The following CTBP1 variants were observed in gnomAD, a reference collection of about 807,000 sequenced individuals.
The protein encoded by CTBP1 is C-terminal binding protein 1, also known as C-terminal-binding protein 1.
A neutral mutation model predicts 42.1 loss-of-function variants in CTBP1; 11 were observed. The ratio of observed to expected loss-of-function variants is 0.26; its 90% CI spans 0.16 to 0.43. The LOEUF is 0.43. CTBP1 is among the 20% of genes least tolerant of loss of function. The pLI is 1.00. For missense variants in CTBP1, 399 were observed against 624.3 expected (o/e 0.64, Z 3.85); for synonymous variants, 324 against 277.1 (o/e 1.17, Z -1.68).
rs1732639275 is a variant in CTBP1 at position 1,245,636 on chromosome 4, G to A, written c.-189+3280C>T. ...GGTGACACGGGCGGCATAGCAGAGT[G>A]GCATGGACGGGCAGGGTGACACGGG... On this transcript the variant is annotated intron_variant, in intron 1 of 9. Transcript: ENST00000382952. The A allele has an allele frequency of 6.1e-6, 6 of 983,602 alleles. No homozygotes were observed. The South Asian group carries it at 2.4e-4, about 39-fold the overall frequency. The allele number at this position is 983,602 out of a possible 1,614,324, so 60.9% of individuals were successfully genotyped here. A position where few individuals can be genotyped will look rare whatever the true frequency, so the allele number is the denominator to read the frequency against.
At chr4:1,244,214 C>T (rs2108802193) in intron 1 of CTBP1, 1 of 985,250 alleles carries the variant, frequency 1.0e-6, no homozygotes, top group South Asian at 4.7e-5. Flanking sequence ...CCACGCCTGC[C>T]CACTCCGCCC....
rs1731444574 is a variant in CTBP1, at chr4:1,235,851, C to T, written c.162+2332G>A. ...AGGCCTCGGCTGACGCTGTCTTCCT[C>T]TAAAGGGGCCGTCTTACTTCTTTTG... On this transcript the variant is annotated intron_variant, in intron 3 of 9. Transcript: ENST00000382952. This position sits in a 1 kb window ranked among gnomAD's most constrained non-coding sequence, Gnocchi z 4.2. The T allele has an allele frequency of 6.6e-6, 1 of 152,224 alleles. No individual in the cohort carries two copies. The highest frequency in any genetic ancestry group is 2.4e-5 in the African/African-American group (1 of 41,452). 9.4% of individuals were successfully genotyped at this position (152,224 alleles called of 1,614,324 possible).
chr4:1,242,549 A>G (rs1732287537), intron 1 of CTBP1: 1 of 985,366 alleles, frequency 1.0e-6, no homozygotes, highest in Middle Eastern at 5.2e-4. Flanking sequence ...TCAAGCATAC[A>G]TGCCGACCAT....
At chr4:1,244,082 C>A in intron 1 of CTBP1, 1 of 985,406 alleles carries the variant, frequency 1.0e-6, no homozygotes, top group Non-Finnish European at 1.2e-6. Flanking sequence ...TCTCTGGAGG[C>A]ATCAAGTCCC....
intron 3 of CTBP1, among the ~76,000 whole-genome samples, chr4:1,231,751 G>A (rs1730984429): frequency 6.6e-6 from 1 of 152,262 alleles, no homozygotes; most frequent in African/African-American, 2.4e-5. Context: ...CCAGGGTGGG[G>A]CTGGGCTGAA....
At position 1,248,428 on chromosome 4, in the gene CTBP1, G is replaced by A. The variant is rs1383067592; in HGVS notation, c.-189+488C>T. 7.3e-5 allele frequency among the ~76,000 whole-genome samples: 11 copies of A among 150,422 alleles called. No homozygotes were observed. The East Asian group carries it at 2.2e-3, about 30-fold the overall frequency. On this transcript the variant is annotated intron_variant, in intron 1 of 9. Transcript: ENST00000382952. ...CACGGTCGCCGGCGGCCTCCCCGCG[G>A]GAGGCGCGCTCCCGCGAGTGGCCCG...
intron 5 of CTBP1, 67 bp downstream of exon 5, chr4:1,225,293 G>A (rs1478053187): frequency 4.7e-6 from 7 of 1,485,882 alleles, no homozygotes; most frequent in Admixed American, 2.0e-5. Flanking sequence ...CTCCTCCTGG[G>A]CACAGCTGAA....
rs147301141 is a variant in CTBP1, at chr4:1,214,414, C to T, written c.789G>A (p.Ala263=). 50 of 1,577,382 alleles carry T rather than the reference C, an allele frequency of 3.2e-5. No homozygotes were observed. In the African/African-American group the frequency reaches 3.3e-4, roughly 10 times the overall value. The change falls in exon 7 of 10, where the codon GCG becomes GCA. Residue 263 remains alanine, a synonymous_variant. Coordinates refer to ENST00000382952, the MANE Select transcript of CTBP1 (RefSeq NM_001012614.2). The part of the protein sequence containing the change: ...TARGGLVDEK[A]LAQALKEGRI... Reference sequence around the variant, plus strand: ...GGCCCTCCTTCAGGGCCTGGGCCAGCGCCTTCTCATCCACCAGGCCACCCC... The same window carrying T: ...GGCCCTCCTTCAGGGCCTGGGCCAGTGCCTTCTCATCCACCAGGCCACCCC...
intron 1 of CTBP1, chr4:1,242,066 G>A (rs1013922506): frequency 1.7e-5 from 17 of 987,360 alleles, no homozygotes; most frequent in Non-Finnish European, 2.0e-5. Context: ...CTCCACCTCC[G>A]ACCCTCAGTG....
chr4:1,217,432 G>A (rs981248751), intron 5 of CTBP1: 12 of 152,326 alleles, frequency 7.9e-5, no homozygotes, highest in African/African-American at 1.2e-4. Flanking sequence ...GGAGTACCCG[G>A]GCAGCTCCCC....
rs113127487 is a variant in CTBP1 at position 1,246,183 on chromosome 4, A to G, written c.-189+2733T>C. 4.4e-3 allele frequency among the ~76,000 whole-genome samples: 672 copies of G among 152,252 alleles called. 9 individuals are homozygous for G. The highest frequency in any genetic ancestry group is 0.016 in the African/African-American group (645 of 41,538). On this transcript the variant is annotated intron_variant, in intron 1 of 9. Transcript: ENST00000382952. ...CAGTGGGCTCCGGCCACTGCAGCTG[A>G]CAATGGAGGACCCGGGGGTCCAGAC... is the stretch of plus-strand genomic sequence containing the variant.
chr4:1,224,927 T>C (rs1347697254), intron 5 of CTBP1, among the ~76,000 whole-genome samples: 3 of 151,878 alleles, frequency 2.0e-5, no homozygotes, highest in Non-Finnish European at 2.9e-5. Context: ...TGTCTGTGTG[T>C]GCCATGATGT....
At position 1,248,948 on chromosome 4, in the gene CTBP1, C is replaced by A; in HGVS notation, c.-221G>T. ...CAGGCCCTTGTTGAGCAAGTGCGAG[C>A]TGCCCATCGAGAGGCGCGAGCGGCC... is the stretch of plus-strand genomic sequence containing the variant. On this transcript the variant is annotated 5_prime_UTR_variant, in exon 1 of 10. Transcript: ENST00000382952. 9.9e-7 allele frequency: 1 copy of A among 1,010,002 alleles called. No individual in the cohort carries two copies. Among genetic ancestry groups the A allele is most frequent in the South Asian group, 3.1e-5 (1 of 31,784 alleles). The allele number at this position is 1,010,002 out of a possible 1,614,324, so 62.6% of individuals were successfully genotyped here.
chr4:1,219,247 G>A (rs1025444367), intron 5 of CTBP1, among the ~76,000 whole-genome samples: 2 of 152,060 alleles, frequency 1.3e-5, no homozygotes, highest in African/African-American at 2.4e-5. Flanking sequence ...AACTACTTCG[G>A]AGGCTAAGGC....
upstream of CTBP1, chr4:1,249,304 G>T (rs1409656416): frequency 1.3e-5 from 2 of 149,770 alleles, no homozygotes; most frequent in Non-Finnish European, 3.0e-5. Context: ...CCCGGCGGAG[G>T]CCCCGGGCCT....
chr4:1,224,013 G>A (rs750980770), intron 5 of CTBP1, among the ~76,000 whole-genome samples: 2 of 152,172 alleles, frequency 1.3e-5, no homozygotes, highest in East Asian at 3.9e-4. Context: ...TAGGGCCAGC[G>A]CCAGGGGCAG....
chr4:1,248,228 G>A (rs1277518350), intron 1 of CTBP1, among the ~76,000 whole-genome samples: 1 of 151,938 alleles, frequency 6.6e-6, no homozygotes, highest in African/African-American at 2.4e-5. Context: ...CCAGGCAAGG[G>A]CAGGTGGGGG....
intron 1 of CTBP1, chr4:1,243,942 C>G (rs1732448033): frequency 2.0e-6 from 2 of 985,494 alleles, no homozygotes; most frequent in Middle Eastern, 5.2e-4. Flanking sequence ...TCAAGGGACC[C>G]ACGAGGGAAG....
chr4:1,230,097 G>C (rs377336008), intron 3 of CTBP1, among the ~76,000 whole-genome samples: 9 of 152,220 alleles, frequency 5.9e-5, no homozygotes, highest in African/African-American at 1.9e-4. Flanking sequence ...CTTTGAGGCT[G>C]CATGCATGCA....
Sources: allele counts gnomAD v4.1 joint callset (sites outside exome capture counted in the v4.1 genomes callset), GRCh38; gene constraint gnomAD v4.1.1; non-coding constraint Gnocchi (gnomAD v3.1); transcripts MANE v1.5; gene names NCBI Gene and HGNC (gene_info 2026-07-23, HGNC 2026-07-21).